The following SAMM50 variants were observed in gnomAD, a reference collection of about 807,000 sequenced individuals.
SAMM50 encodes sorting and assembly machinery component 50 homolog.
In SAMM50, 47 loss-of-function variants were observed where a neutral mutation model predicts 66.9. The observed-to-expected ratio is 0.70, with a 90% CI of 0.56 to 0.90. The LOEUF is 0.90. Among genes scored for constraint, SAMM50 ranks in the 40% least tolerant of loss-of-function variants. The probability of loss-of-function intolerance (pLI) is 0.00; values close to 1 mark genes in which losing one functional copy is unlikely to be tolerated. For synonymous variants in SAMM50, 191 were observed against 214.1 expected, an observed-to-expected ratio of 0.89 and a Z score of 0.94; for missense variants, 535 against 595.3, an observed-to-expected ratio of 0.90 and a Z score of 1.05.
rs200770754 is a variant in SAMM50 at position 43,990,320 on chromosome 22, C to T, written c.1278C>T (p.Tyr426=). ...RKLAECIRWS[Y]GAGIVLRLGN... ...TGGCTGAGTGCATCCGCTGGTCGTA[C>T]GGGGCCGGGATTGTCCTCAGGCTTG... is the stretch of plus-strand genomic sequence containing the variant. The change falls in exon 14 of 15, where the codon TAC becomes TAT. Residue 426 remains tyrosine, a synonymous_variant. Transcript: ENST00000350028. 1.1e-5 allele frequency: 18 copies of T among 1,613,982 alleles called. No individual in the cohort carries two copies. The highest frequency in any genetic ancestry group is 4.5e-5 in the East Asian group (2 of 44,882).
rs1057257905 is a variant in SAMM50, at chr22:43,990,354, G to C, written c.1312G>C (p.Ala438Pro). The C allele has an allele frequency of 1.2e-6, 2 of 1,614,160 alleles. No individual in the cohort carries two copies. The highest frequency in any genetic ancestry group is 1.7e-6 in the Non-Finnish European group (2 of 1,180,010). The change falls in exon 14 of 15, where the codon GCT (alanine) becomes CCT (proline). Residue 438 changes from alanine to proline, a missense_variant. Ala to Pro is a conservative substitution (Grantham distance 27). Transcript: ENST00000350028. ...AGIVLRLGNI[A>P]RLELNYCVPM... is the part of the protein sequence containing the mutation. ...GATTGTCCTCAGGCTTGGCAACATC[G>C]CTCGGTTGGAACTTAATTACTGCGT...
chr22:43,986,144 G>GGC (rs1258150807), intron 12 of SAMM50, among the ~76,000 whole-genome samples: 24 of 149,238 alleles, frequency 1.6e-4, no homozygotes, highest in African/African-American at 5.7e-4. Context: ...CCAGGTTCAA[G>GGC]TGATTCTCCT....
At chr22:43,972,848 ATT>A (rs34361615) in intron 5 of SAMM50, 21 bp from the exon 6 acceptor site, 88 of 1,358,702 alleles carry the variant, frequency 6.5e-5, no homozygotes, top group Admixed American at 2.9e-4. Context: ...GACCACTGCT[ATT>A]TTTTTTTTTT....
chr22:43,976,730 C>T lies in SAMM50; in HGVS notation c.778-20C>T. 6.3e-7 allele frequency: 1 copy of T among 1,582,382 alleles called. No individual in the cohort carries two copies. Among genetic ancestry groups the T allele is most frequent in the Non-Finnish European group, 8.7e-7 (1 of 1,153,050 alleles). On this transcript the variant is annotated intron_variant, in intron 8 of 14. Transcript: ENST00000350028. ...TAGAACTTCTTAAAGTGAAAATATCCCCATTCAAATTTCTTTCAGCACGCC... is the reference window on the plus strand; with the variant it reads ...TAGAACTTCTTAAAGTGAAAATATCTCCATTCAAATTTCTTTCAGCACGCC...
chr22:43,980,731 G>A (rs959323436), intron 10 of SAMM50, among the ~76,000 whole-genome samples: 1 of 152,226 alleles, frequency 6.6e-6, no homozygotes, highest in Non-Finnish European at 1.5e-5. Context: ...AGGGACATAG[G>A]CATTTGCAAG....
rs932430 is a variant in SAMM50 at position 43,972,861 on chromosome 22, C to T, written c.430-10C>T. The T allele has an allele frequency of 0.5, 769,412 of 1,539,410 alleles. 180,360 individuals carry two copies. Among genetic ancestry groups the T allele is most frequent in the East Asian group, 0.78 (33,088 of 42,532 alleles). ...TAGACCACTGCTATTTTTTTTTTTT[C>T]CCCTCCTAGGTACTTGGCCTCAAGC... On this transcript the variant is annotated splice_polypyrimidine_tract_variant and intron_variant, in intron 5 of 14. Coordinates refer to ENST00000350028, the MANE Select transcript of SAMM50 (RefSeq NM_015380.5).
chr22:43,985,199 A>G (rs2050286024), intron 12 of SAMM50, among the ~76,000 whole-genome samples: 1 of 152,030 alleles, frequency 6.6e-6, no homozygotes, highest in African/African-American at 2.4e-5. Context: ...TGGTGAAGCA[A>G]TATGATAACC....
chr22:43,995,256 C>T (rs919693857), intron 14 of SAMM50: 3 of 152,132 alleles, frequency 2.0e-5, no homozygotes, highest in African/African-American at 4.8e-5. Context: ...TGAATCTCTT[C>T]GTGGATCAGA....
chr22:43,964,692 AC>A (rs1413613854), intron 3 of SAMM50, 139 bp downstream of exon 3: 3 of 550,588 alleles, frequency 5.4e-6, no homozygotes, highest in Non-Finnish European at 9.9e-6. Flanking sequence ...GAGCCTTGGC[AC>A]CCCCAAGCTG....
intron 3 of SAMM50, among the ~76,000 whole-genome samples, chr22:43,965,538 A>G (rs1465022237): frequency 2.0e-5 from 3 of 152,178 alleles, no homozygotes; most frequent in Non-Finnish European, 2.9e-5. Flanking sequence ...TTAAAGTAAC[A>G]TGTAAGCACA....
intron 9 of SAMM50, among the ~76,000 whole-genome samples, 156 bp from the exon 10 acceptor site, chr22:43,977,716 G>A (rs181035238): frequency 2.0e-5 from 3 of 152,276 alleles, no homozygotes; most frequent in Admixed American, 6.5e-5. Flanking sequence ...GTTGCTGTCC[G>A]CAACAATTAG....
chr22:43,967,780 G>A (rs867090848), intron 3 of SAMM50, among the ~76,000 whole-genome samples: 1 of 152,152 alleles, frequency 6.6e-6, no homozygotes, highest in African/African-American at 2.4e-5. Flanking sequence ...ATCACACGAG[G>A]GCCTTTCCTT....
At chr22:43,989,857 C>T (rs1293251318) in intron 13 of SAMM50, among the ~76,000 whole-genome samples, 1 of 152,118 alleles carries the variant, frequency 6.6e-6, no homozygotes, top group South Asian at 2.1e-4. Flanking sequence ...GGATTGGGTG[C>T]CTTCCTCAGG....
chr22:43,991,065 C>T (rs2050322254), intron 14 of SAMM50, among the ~76,000 whole-genome samples: 1 of 152,030 alleles, frequency 6.6e-6, no homozygotes, highest in Admixed American at 6.6e-5. Context: ...CAACCTCTGC[C>T]TCCCAGGTTC....
intron 2 of SAMM50, 128 bp downstream of exon 2, chr22:43,963,524 A>G: frequency 2.0e-6 from 1 of 491,344 alleles, no homozygotes; most frequent in Non-Finnish European, 3.6e-6. Flanking sequence ...GTAACCACCT[A>G]CAACTAGAAA....
At chr22:43,977,835 G>A in intron 9 of SAMM50, 37 bp from the exon 10 acceptor site, 1 of 1,430,974 alleles carries the variant, frequency 7.0e-7, no homozygotes, top group Non-Finnish European at 9.8e-7. Context: ...TAATAAGTCT[G>A]TTTGCTCCCT....
intron 7 of SAMM50, among the ~76,000 whole-genome samples, chr22:43,973,844 C>T (rs1307885022): frequency 6.6e-6 from 1 of 152,120 alleles, no homozygotes; most frequent in East Asian, 1.9e-4. Flanking sequence ...AACTCCCGAC[C>T]TCAAGTGATC....
chr22:43,955,937 C>T (rs531018104), intron 1 of SAMM50, among the ~76,000 whole-genome samples: 18 of 152,344 alleles, frequency 1.2e-4, no homozygotes, highest in African/African-American at 4.3e-4. Flanking sequence ...CTGGTCACTT[C>T]CAGCCTTTCC....
In SAMM50 at chr22:43,983,837, G is replaced by A. The variant is rs567472185; in HGVS notation, c.1008-96G>A. The A allele has an allele frequency of 9.8e-4, 807 of 820,866 alleles. 1 individual carries two copies. Among genetic ancestry groups the A allele is most frequent in the South Asian group, 1.9e-3 (108 of 56,188 alleles). The allele number at this position is 820,866 out of a possible 1,614,324, so 50.8% of individuals were successfully genotyped here. On this transcript the variant is annotated intron_variant, in intron 11 of 14. Coordinates refer to ENST00000350028, the MANE Select transcript of SAMM50 (RefSeq NM_015380.5). The surrounding 1 kb of genome is among the most constrained non-coding windows in gnomAD (Gnocchi z 4.2). ...AAAATGCTGTCGATAATCTAGTATC[G>A]AATGTGAGTCTGACATGTGTTTCCT...
Sources: gnomAD v4.1 joint callset for allele counts (sites outside exome capture counted in the v4.1 genomes callset) on GRCh38, gnomAD v4.1.1 for gene constraint, Gnocchi (gnomAD v3.1) non-coding constraint, MANE v1.5 for transcripts, NCBI Gene and HGNC (gene_info 2026-07-23, HGNC 2026-07-21) for gene names.